Variants in C1QTNF7 observed in about 807,000 individuals in gnomAD.
C1QTNF7 encodes complement C1q tumor necrosis factor-related protein 7.
C1QTNF7 carries 15 observed loss-of-function variants against 19.6 expected under a neutral mutation model. That is an observed-to-expected ratio of 0.76 (90% confidence interval 0.51 to 1.18). C1QTNF7 has a LOEUF of 1.18. Ranked by LOEUF, C1QTNF7 falls within the 50% of genes most tolerant of loss-of-function variation. The pLI, the probability that C1QTNF7 is intolerant of heterozygous loss-of-function variation, is 0.00. For missense variants in C1QTNF7, 324 were observed against 359.7 expected, an observed-to-expected ratio of 0.90 and a Z score of 0.80; for synonymous variants, 142 against 137.5, an observed-to-expected ratio of 1.03 and a Z score of -0.23.
chr4:15,373,740 G>A (rs1310956956), intron 1 of C1QTNF7: 1 of 152,144 alleles, frequency 6.6e-6, no homozygotes, highest in East Asian at 1.9e-4. Flanking sequence ...TCTTGACCTG[G>A]ATTTCCAAGG....
chr4:15,395,278 A>ATATT (rs929845042), intron 1 of C1QTNF7, among the ~76,000 whole-genome samples: 15 of 152,278 alleles, frequency 9.9e-5, no homozygotes, highest in Admixed American at 9.1e-4. Flanking sequence ...GGAAGAGGGA[A>ATATT]TATTGGCTCC....
chr4:15,387,392 A>G (rs1718378609), intron 1 of C1QTNF7, among the ~76,000 whole-genome samples: 1 of 152,164 alleles, frequency 6.6e-6, no homozygotes, highest in Non-Finnish European at 1.5e-5. Flanking sequence ...TGGCTAGACA[A>G]GATCACCAAG....
At chr4:15,388,039 A>G (rs1425444031) in intron 1 of C1QTNF7, among the ~76,000 whole-genome samples, 1 of 152,212 alleles carries the variant, frequency 6.6e-6, no homozygotes, top group East Asian at 1.9e-4. Flanking sequence ...TGAAGAGGAA[A>G]GGCCAAACAC....
intron 1 of C1QTNF7, among the ~76,000 whole-genome samples, chr4:15,428,710 A>C (rs1259475146): frequency 3.3e-5 from 5 of 152,148 alleles, no homozygotes. Context: ...ACAACAACAT[A>C]AAAGGAACTG....
intron 1 of C1QTNF7, among the ~76,000 whole-genome samples, chr4:15,403,327 T>G (rs1330001538): frequency 6.6e-6 from 1 of 152,184 alleles, no homozygotes; most frequent in Non-Finnish European, 1.5e-5. Context: ...CAGGACTGCT[T>G]TAGCAAATTA....
intron 1 of C1QTNF7, among the ~76,000 whole-genome samples, chr4:15,415,687 G>A (rs767199953): frequency 1.1e-4 from 16 of 151,482 alleles, no homozygotes; most frequent in Non-Finnish European, 7.4e-5. Flanking sequence ...AAACTCCTGA[G>A]CTCAAGCGAT....
chr4:15,429,363 T>C (rs1408595679), intron 1 of C1QTNF7, among the ~76,000 whole-genome samples: 1 of 152,234 alleles, frequency 6.6e-6, no homozygotes, highest in Non-Finnish European at 1.5e-5. Context: ...TGAAACTCTC[T>C]ATACCCATGA....
intron 1 of C1QTNF7, among the ~76,000 whole-genome samples, chr4:15,431,778 G>T (rs1236230042): frequency 2.0e-5 from 3 of 152,068 alleles, no homozygotes; most frequent in Non-Finnish European, 4.4e-5. Flanking sequence ...ACACATCAAT[G>T]ACTTCAACAA....
At chr4:15,414,762 C>T (rs1399977813) in intron 1 of C1QTNF7, among the ~76,000 whole-genome samples, 1 of 152,074 alleles carries the variant, frequency 6.6e-6, no homozygotes, top group African/African-American at 2.4e-5. Context: ...TAGCATCAGT[C>T]ACTCTGATTC....
chr4:15,423,853 TAGGC>T (rs574059413), upstream of C1QTNF7, among the ~76,000 whole-genome samples: 652 of 152,316 alleles, frequency 4.3e-3, 3 homozygotes, highest in African/African-American at 0.015. Context: ...GTCATTCCTT[TAGGC>T]AAGTTCTCTC....
In C1QTNF7 at chr4:15,428,111, G is replaced by C; in HGVS notation, c.-9+5G>C. ...AGCCCACCATCTAAGAGCAAGGTAT[G>C]GTGTTTACTCTTTTTTTTAGAATTT... On this transcript the variant is annotated splice_donor_5th_base_variant and intron_variant, in intron 1 of 2. Coordinates refer to ENST00000444304, the MANE Select transcript of C1QTNF7 (RefSeq NM_031911.5). 2.0e-6 allele frequency: 2 copies of C among 984,258 alleles called. No individual in the cohort carries two copies. Among genetic ancestry groups the C allele is most frequent in the Non-Finnish European group, 1.2e-6 (1 of 828,926 alleles). 61.0% of individuals were successfully genotyped at this position (984,258 alleles called of 1,614,324 possible).
upstream of C1QTNF7, among the ~76,000 whole-genome samples, chr4:15,424,044 G>A (rs546556837): frequency 5.3e-5 from 8 of 152,072 alleles, no homozygotes; most frequent in African/African-American, 1.9e-4. Flanking sequence ...TCCATCATTT[G>A]TTCTAGCCAA....
chr4:15,442,331 G>A lies in C1QTNF7; in HGVS notation c.402G>A (p.Gly134=), dbSNP rs772582352. 1.2e-6 allele frequency: 2 copies of A among 1,613,966 alleles called. No individual in the cohort carries two copies. The highest frequency in any genetic ancestry group is 2.7e-5 in the African/African-American group (2 of 74,888). ...KGDRGEQGDP[G]LPGVCRCGSI... ...ACAGAGGAGAACAAGGGGACCCGGG[G>A]CTGCCTGGAGTTTGCAGATGTGGAA... Residue 134 remains glycine (G), a synonymous_variant, in exon 3 of 3, where the codon GGG becomes GGA. Coordinates refer to ENST00000444304, the MANE Select transcript of C1QTNF7 (RefSeq NM_031911.5).
intron 1 of C1QTNF7, among the ~76,000 whole-genome samples, chr4:15,431,816 T>G (rs1030000606): frequency 6.6e-6 from 1 of 152,196 alleles, no homozygotes; most frequent in African/African-American, 2.4e-5. Context: ...TAGCTTACAT[T>G]CTATCAGGAA....
intron 1 of C1QTNF7, among the ~76,000 whole-genome samples, chr4:15,429,035 T>C (rs1489952151): frequency 6.6e-6 from 1 of 152,168 alleles, no homozygotes; most frequent in Non-Finnish European, 1.5e-5. Flanking sequence ...CACCATTTCA[T>C]GCCTGTGTGG....
At position 15,446,109 on chromosome 4, in the gene C1QTNF7, T is replaced by C. The variant is rs1340588492; in HGVS notation, c.*3310T>C. On this transcript the variant is annotated 3_prime_UTR_variant, in exon 3 of 3. Coordinates refer to ENST00000444304, the MANE Select transcript of C1QTNF7 (RefSeq NM_031911.5). The stretch of plus-strand genomic sequence containing the variant: ...AAATAGATTCTATAAACTCTAAATA[T>C]ACTTTTTTTCTACCACTCTGTGTAA... 1 of 152,212 alleles carries C rather than the reference T, an allele frequency of 6.6e-6. No individual in the cohort carries two copies. Among genetic ancestry groups the C allele is most frequent in the African/African-American group, 2.4e-5 (1 of 41,456 alleles). The allele number at this position is 152,212 out of a possible 1,614,324, so 9.4% of individuals were successfully genotyped here. A position where few individuals can be genotyped will look rare whatever the true frequency, so the allele number is the denominator to read the frequency against.
chr4:15,429,602 C>T (rs780371560), intron 1 of C1QTNF7, among the ~76,000 whole-genome samples: 3 of 152,142 alleles, frequency 2.0e-5, no homozygotes, highest in Non-Finnish European at 2.9e-5. Flanking sequence ...TTCCATTGTA[C>T]GTGTAGACCA....
Position 15,442,335 on chromosome 4 carries a change from C to A in C1QTNF7, c.406C>A (p.Pro136Thr), listed in dbSNP as rs909727073. 3.7e-6 allele frequency: 6 copies of A among 1,613,944 alleles called. No individual in the cohort carries two copies. The East Asian group carries it at 1.1e-4, about 30-fold the overall frequency. The stretch of plus-strand genomic sequence containing the variant: ...AGGAGAACAAGGGGACCCGGGGCTG[C>A]CTGGAGTTTGCAGATGTGGAAGCAT... ...DRGEQGDPGL[P>T]GVCRCGSIVL... The change falls in exon 3 of 3, where the codon CCT becomes ACT. Residue 136 changes from proline to threonine, a missense_variant. Physicochemically the swap from Pro to Thr is conservative, Grantham distance 38. Coordinates refer to ENST00000444304, the MANE Select transcript of C1QTNF7 (RefSeq NM_031911.5).
intron 1 of C1QTNF7, among the ~76,000 whole-genome samples, chr4:15,343,982 T>C (rs1553883998): frequency 6.6e-6 from 1 of 152,218 alleles, no homozygotes; most frequent in Non-Finnish European, 1.5e-5. Flanking sequence ...ATTCTCTGTA[T>C]CCCTTACCCA....
Sources: gnomAD v4.1 joint callset for allele counts (sites outside exome capture counted in the v4.1 genomes callset) on GRCh38, gnomAD v4.1.1 for gene constraint, MANE v1.5 for transcripts, NCBI Gene and HGNC (gene_info 2026-07-23, HGNC 2026-07-21) for gene names.